ARHGEF3: variants seen among roughly 807,000 people sequenced by gnomAD.
ARHGEF3 encodes the protein 59.8 kDA protein.
Under a neutral mutation model 63.2 loss-of-function variants are expected in ARHGEF3, and 28 were observed. The ratio of observed to expected loss-of-function variants is 0.44; its 90% confidence interval spans 0.33 to 0.61. ARHGEF3 has a LOEUF of 0.61. Ranked by LOEUF, ARHGEF3 falls within the 20% of genes least tolerant of loss-of-function variation. ARHGEF3 has a pLI of 0.03. For synonymous variants in ARHGEF3, 266 were observed against 254.2 expected (o/e 1.05, Z -0.44); for missense variants, 533 against 659.3 (o/e 0.81, Z 2.10).
At chr3:56,953,073 G>A (rs1699883955) in intron 3 of ARHGEF3, among the ~76,000 whole-genome samples, 1 of 152,198 alleles carries the variant, frequency 6.6e-6, no homozygotes, top group African/African-American at 2.4e-5. Flanking sequence ...CTATCTACCA[G>A]GCGGGACTGC....
At chr3:56,899,198 C>G (rs373469970) in intron 3 of ARHGEF3, among the ~76,000 whole-genome samples, 2 of 152,326 alleles carry the variant, frequency 1.3e-5, no homozygotes, top group African/African-American at 4.8e-5. Context: ...GAAACCCTGC[C>G]AGGTAGAAGG....
At chr3:56,935,766 A>T (rs1212041726) in intron 3 of ARHGEF3, among the ~76,000 whole-genome samples, 2 of 152,188 alleles carry the variant, frequency 1.3e-5, no homozygotes, top group African/African-American at 4.8e-5. Context: ...TGTAACACTC[A>T]CCACGAGGGT....
At chr3:56,735,932 T>C (rs1307788692) in intron 8 of ARHGEF3, among the ~76,000 whole-genome samples, 1 of 152,136 alleles carries the variant, frequency 6.6e-6, no homozygotes, top group Non-Finnish European at 1.5e-5. Context: ...AAAACTTTAT[T>C]AAGAACCCTT....
At chr3:57,023,428 T>C (rs1305346281) in intron 2 of ARHGEF3, among the ~76,000 whole-genome samples, 2 of 152,238 alleles carry the variant, frequency 1.3e-5, no homozygotes, top group Non-Finnish European at 2.9e-5. Flanking sequence ...TACTTAGCCC[T>C]GAGTTTTGCT....
At position 56,921,017 on chromosome 3, in the gene ARHGEF3, T is replaced by C. The variant is rs527713192; in HGVS notation, c.129+37806A>G. Among the ~76,000 whole-genome samples, 27 of 113,648 alleles carry C rather than the reference T, an allele frequency of 2.4e-4. No individual in the cohort carries two copies. In the South Asian group the frequency reaches 7.7e-3, roughly 32 times the overall value. The allele number at this position is 113,648 out of a possible 152,430, so 74.6% of individuals were successfully genotyped here. A position where few individuals can be genotyped will look rare whatever the true frequency, so the allele number is the denominator to read the frequency against. ...TTGCAGTGAGCCGAGATTGCACCAC[T>C]GCACTCCAGCCTGGGTGACAGAGCG... On this transcript the variant is annotated intron_variant, in intron 3 of 12. Transcript: ENST00000338458.
chr3:56,744,048 T>TA (rs990659121), intron 7 of ARHGEF3, among the ~76,000 whole-genome samples: 2 of 152,202 alleles, frequency 1.3e-5, no homozygotes, highest in Non-Finnish European at 2.9e-5. Context: ...AAAAATCTCT[T>TA]AAATTGATAT....
rs138412727 is a variant in ARHGEF3, at chr3:56,895,258, G to A, written c.130-12904C>T. On this transcript the variant is annotated intron_variant, in intron 3 of 12. Transcript: ENST00000338458. ...TCTGACAGATTCTCTACGGACTATCGCCAAGAGCATTATTCCCGAGTTAGT... is the reference window on the plus strand; with the variant it reads ...TCTGACAGATTCTCTACGGACTATCACCAAGAGCATTATTCCCGAGTTAGT... Among the ~76,000 whole-genome samples the A allele has an allele frequency of 6.1e-3, 924 of 152,124 alleles. 10 individuals are homozygous for A. Among genetic ancestry groups the A allele is most frequent in the South Asian group, 0.011 (54 of 4,812 alleles).
At chr3:56,981,307 T>A (rs1701318646) in intron 2 of ARHGEF3, among the ~76,000 whole-genome samples, 1 of 152,192 alleles carries the variant, frequency 6.6e-6, no homozygotes, top group Non-Finnish European at 1.5e-5. Context: ...CCAGGGTAAA[T>A]CTTTCTTAAT....
At chr3:57,022,103 TC>T (rs1316950033) in intron 2 of ARHGEF3, among the ~76,000 whole-genome samples, 1 of 151,996 alleles carries the variant, frequency 6.6e-6, no homozygotes, top group Non-Finnish European at 1.5e-5. Flanking sequence ...AGACCTTGTT[TC>T]TACAAAAAAA....
intron 1 of ARHGEF3, among the ~76,000 whole-genome samples, chr3:57,046,729 A>G (rs1704469907): frequency 6.6e-6 from 1 of 152,088 alleles, no homozygotes; most frequent in Admixed American, 6.6e-5. Context: ...ACACACCTCT[A>G]ACCCCCAGAC....
At chr3:57,027,413 C>A (rs1703520780) in intron 2 of ARHGEF3, among the ~76,000 whole-genome samples, 1 of 152,230 alleles carries the variant, frequency 6.6e-6, no homozygotes, top group Non-Finnish European at 1.5e-5. Flanking sequence ...ATGAAGCCCA[C>A]TCCCACTCTT....
chr3:56,891,682 G>A (rs1411911931), intron 3 of ARHGEF3, among the ~76,000 whole-genome samples: 6 of 152,110 alleles, frequency 3.9e-5, no homozygotes, highest in Admixed American at 6.6e-5. Flanking sequence ...ATGGGGACAC[G>A]AATAGTACCT....
chr3:56,739,951 G>A (rs1393852219), intron 7 of ARHGEF3, among the ~76,000 whole-genome samples: 1 of 151,112 alleles, frequency 6.6e-6, no homozygotes, highest in Non-Finnish European at 1.5e-5. Context: ...CCAGGCTGGA[G>A]TGCAATGGCA....
chr3:57,078,460 T>A (rs781609986), intron 1 of ARHGEF3: 1 of 152,222 alleles, frequency 6.6e-6, no homozygotes, highest in Non-Finnish European at 1.5e-5. Flanking sequence ...CTGCTGATAG[T>A]GCAAGAGCAG....
At chr3:56,789,338 A>G (rs983739) in intron 1 of ARHGEF3, among the ~76,000 whole-genome samples, 101,364 of 152,044 alleles carry the variant, frequency 0.67, 34,919 homozygotes, top group East Asian at 0.93. Context: ...AGAGTGAAGG[A>G]AAAAAGGAAC....
chr3:56,934,606 CG>C (rs1042156584), intron 3 of ARHGEF3, among the ~76,000 whole-genome samples: 1 of 152,228 alleles, frequency 6.6e-6, no homozygotes, highest in Non-Finnish European at 1.5e-5. Context: ...ACTTAGCACC[CG>C]GGCCAGCGGC....
At chr3:56,761,230 C>T (rs1482473381) in intron 2 of ARHGEF3, among the ~76,000 whole-genome samples, 2 of 152,138 alleles carry the variant, frequency 1.3e-5, no homozygotes, top group Non-Finnish European at 2.9e-5. Flanking sequence ...GGCAGGTGTT[C>T]ATAACAGCAC....
chr3:56,788,254 C>G (rs1446487136), intron 1 of ARHGEF3, among the ~76,000 whole-genome samples: 1 of 152,152 alleles, frequency 6.6e-6, no homozygotes, highest in African/African-American at 2.4e-5. Context: ...GACCACTTCT[C>G]AGTATTCCCC....
At chr3:56,891,142 A>G (rs1371932023) in intron 3 of ARHGEF3, among the ~76,000 whole-genome samples, 7 of 151,232 alleles carry the variant, frequency 4.6e-5, no homozygotes, top group African/African-American at 1.5e-4. Context: ...AGTGAATGAG[A>G]GAATTGAAAG....
Sources: allele counts gnomAD v4.1 joint callset (sites outside exome capture counted in the v4.1 genomes callset), GRCh38; gene constraint gnomAD v4.1.1; transcripts MANE v1.5; gene names NCBI Gene and HGNC (gene_info 2026-07-23, HGNC 2026-07-21).